Variants in CNTNAP2 observed in about 807,000 individuals in gnomAD.
CNTNAP2 encodes contactin-associated protein-like 2.
Under a neutral mutation model 155.2 loss-of-function variants are expected in CNTNAP2, and 98 were observed. The ratio of observed to expected loss-of-function variants is 0.63; its 90% CI spans 0.54 to 0.75. CNTNAP2 has a LOEUF of 0.75. CNTNAP2 is among the 30% of genes least tolerant of loss of function. The pLI, the probability that CNTNAP2 is intolerant of heterozygous loss-of-function variation, is 0.00. For missense variants in CNTNAP2, 1,727 were observed against 1,688.1 expected (o/e 1.02, Z -0.40); for synonymous variants, 651 against 631.2 (o/e 1.03, Z -0.47).
chr7:147,470,736 A>C (rs1163730484), intron 10 of CNTNAP2, among the ~76,000 whole-genome samples: 1 of 152,076 alleles, frequency 6.6e-6, no homozygotes, highest in African/African-American at 2.4e-5. Flanking sequence ...AGAGGCAAAA[A>C]TATGCTTTAT....
chr7:147,750,135 G>A (rs1010720071), intron 13 of CNTNAP2, among the ~76,000 whole-genome samples: 2 of 152,110 alleles, frequency 1.3e-5, no homozygotes, highest in Admixed American at 1.3e-4. Context: ...TACCAGCCTT[G>A]TGCCCTTGCA....
chr7:147,420,478 TAATTAATG>T (rs1357967740), intron 10 of CNTNAP2, among the ~76,000 whole-genome samples: 1 of 152,168 alleles, frequency 6.6e-6, no homozygotes, highest in East Asian at 1.9e-4. Context: ...TATTTCCAAA[TAATTAATG>T]TATTCATTGA....
intron 13 of CNTNAP2, among the ~76,000 whole-genome samples, chr7:147,851,427 T>C (rs1448014527): frequency 1.3e-5 from 2 of 152,164 alleles, no homozygotes; most frequent in African/African-American, 4.8e-5. Context: ...ACTGGGTATA[T>C]ACCCAAAGGA....
At chr7:147,131,884 C>T (rs1253603234) in intron 7 of CNTNAP2, among the ~76,000 whole-genome samples, 1 of 151,948 alleles carries the variant, frequency 6.6e-6, no homozygotes, top group Admixed American at 6.6e-5. Context: ...TTATGTTCGG[C>T]CAGCAGTAGC....
At chr7:146,812,846 C>T (rs1266704245) in intron 2 of CNTNAP2, among the ~76,000 whole-genome samples, 2 of 152,216 alleles carry the variant, frequency 1.3e-5, no homozygotes, top group Non-Finnish European at 2.9e-5. Context: ...TCCCCCTGCT[C>T]TGTGCAGCCT....
At chr7:147,087,543 ATTTTCTATTTCACTT>A (rs1800304844) in intron 4 of CNTNAP2, among the ~76,000 whole-genome samples, 1 of 152,206 alleles carries the variant, frequency 6.6e-6, no homozygotes, top group African/African-American at 2.4e-5. Context: ...GTCTAATGAC[ATTTTCTATTTCACTT>A]TTTAATAGAA....
At chr7:147,562,464 T>A (rs555073236) in intron 12 of CNTNAP2, among the ~76,000 whole-genome samples, 61 of 152,314 alleles carry the variant, frequency 4.0e-4, no homozygotes, top group African/African-American at 1.4e-3. Context: ...AAGTTCATGT[T>A]TGATGTGAAC....
chr7:146,632,756 A>G (rs1799530518), intron 1 of CNTNAP2, among the ~76,000 whole-genome samples: 1 of 151,990 alleles, frequency 6.6e-6, no homozygotes, highest in African/African-American at 2.4e-5. Context: ...TTTATAAACA[A>G]TCATGTAGTC....
At chr7:146,869,962 G>A (rs1471637798) in intron 3 of CNTNAP2, among the ~76,000 whole-genome samples, 1 of 152,234 alleles carries the variant, frequency 6.6e-6, no homozygotes. Context: ...GACACTTCAT[G>A]TTAAGTTTAT....
intron 8 of CNTNAP2, among the ~76,000 whole-genome samples, chr7:147,179,287 T>C (rs1002668128): frequency 2.6e-5 from 4 of 152,162 alleles, no homozygotes; most frequent in African/African-American, 2.4e-5. Flanking sequence ...TTGTGGTATA[T>C]GCGATAAAGA....
At chr7:147,068,098 G>C (rs371333178) in intron 4 of CNTNAP2, among the ~76,000 whole-genome samples, 47 of 152,266 alleles carry the variant, frequency 3.1e-4, no homozygotes, top group African/African-American at 1.1e-3. Context: ...GATGGCAGGA[G>C]AGACAGCCTT....
intron 9 of CNTNAP2, among the ~76,000 whole-genome samples, chr7:147,340,693 CAAAT>C: frequency 6.6e-6 from 1 of 152,104 alleles, no homozygotes; most frequent in Non-Finnish European, 1.5e-5. Context: ...GTCATTGTAA[CAAAT>C]AATGGTAATT....
intron 15 of CNTNAP2, among the ~76,000 whole-genome samples, chr7:148,007,887 G>A (rs1304877539): frequency 6.6e-6 from 1 of 152,162 alleles, no homozygotes. Context: ...AAAGGTATCT[G>A]TGAGAGGCAG....
intron 17 of CNTNAP2, among the ~76,000 whole-genome samples, chr7:148,152,889 CA>C (rs1212021311): frequency 1.3e-5 from 2 of 151,874 alleles, no homozygotes; most frequent in South Asian, 2.1e-4. Context: ...GGTGTAGTGG[CA>C]GGCGCCTGTA....
At chr7:146,302,457 A>G (rs367907613) in intron 1 of CNTNAP2, among the ~76,000 whole-genome samples, 45 of 152,294 alleles carry the variant, frequency 3.0e-4, no homozygotes, top group African/African-American at 9.6e-4. Context: ...CACATATAGT[A>G]TCTATTCTAT....
Position 148,417,001 on chromosome 7 carries a change from C to CT in CNTNAP2, c.*1390dup, listed in dbSNP as rs1367606460. On this transcript the variant is annotated 3_prime_UTR_variant, in exon 24 of 24. Coordinates refer to ENST00000361727, the MANE Select transcript of CNTNAP2 (RefSeq NM_014141.6). ...AATGGGGACAATGCATCCAAAAAAT[C>CT]TTTTTAAACAGATTACACAAAAATT... 1 of 152,112 alleles carries CT rather than the reference C, an allele frequency of 6.6e-6. No homozygotes were observed. Among genetic ancestry groups the CT allele is most frequent in the African/African-American group, 2.4e-5 (1 of 41,386 alleles). The allele number at this position is 152,112 out of a possible 1,614,324, so 9.4% of individuals were successfully genotyped here.
intron 16 of CNTNAP2, among the ~76,000 whole-genome samples, chr7:148,125,614 A>G (rs2116620571): frequency 6.8e-6 from 1 of 146,634 alleles, no homozygotes; most frequent in Admixed American, 6.8e-5. Flanking sequence ...TATGTACCAC[A>G]TTTTCTTTAT....
At chr7:147,579,968 G>T (rs1800467723) in intron 12 of CNTNAP2, among the ~76,000 whole-genome samples, 1 of 152,036 alleles carries the variant, frequency 6.6e-6, no homozygotes, top group Admixed American at 6.6e-5. Flanking sequence ...TTCACAAATT[G>T]TCAAAATTGA....
At chr7:146,523,088 C>T (rs896188174) in intron 1 of CNTNAP2, among the ~76,000 whole-genome samples, 2 of 151,724 alleles carry the variant, frequency 1.3e-5, no homozygotes, top group African/African-American at 4.8e-5. Context: ...CCTGGCGCAC[C>T]CATCACCTGA....
Sources: gnomAD v4.1 joint callset for allele counts (sites outside exome capture counted in the v4.1 genomes callset) on GRCh38, gnomAD v4.1.1 for gene constraint, MANE v1.5 for transcripts, NCBI Gene and HGNC (gene_info 2026-07-23, HGNC 2026-07-21) for gene names.